The following CLVS1 variants were observed in gnomAD, a reference collection of about 807,000 sequenced individuals.
CLVS1 encodes the protein clavesin 1, also known as clavesin-1.
Under a neutral mutation model 33.1 loss-of-function variants are expected in CLVS1, and 10 were observed. The ratio of observed to expected loss-of-function variants is 0.30; its 90% CI spans 0.19 to 0.51. CLVS1 has a LOEUF of 0.51. CLVS1 is among the 20% of genes least tolerant of loss of function. The pLI is 0.97. For synonymous variants in CLVS1, 163 were observed against 166.1 expected (o/e 0.98, Z 0.14); for missense variants, 343 against 433.4 (o/e 0.79, Z 1.85).
At position 61,299,811 on chromosome 8, in the gene CLVS1, A is replaced by G; in HGVS notation, c.-17A>G. On this transcript the variant is annotated 5_prime_UTR_variant, in exon 2 of 6. Transcript: ENST00000325897. ...ACACTGTTGAATGGGCCACAGTTTC[A>G]GCAGACCATCAGGTGAATGGGACCA... The G allele has an allele frequency of 6.3e-7, 1 of 1,581,488 alleles. No homozygotes were observed. Among genetic ancestry groups the G allele is most frequent in the South Asian group, 1.1e-5 (1 of 87,260 alleles).
intron 2 of CLVS1, among the ~76,000 whole-genome samples, chr8:61,352,461 G>T (rs905000047): frequency 3.2e-4 from 49 of 152,008 alleles, no homozygotes; most frequent in Non-Finnish European, 1.8e-4. Context: ...CCAAATGCCA[G>T]TAGTCTAAGA....
At chr8:61,375,229 A>G (rs982510065) in intron 2 of CLVS1, among the ~76,000 whole-genome samples, 7 of 149,600 alleles carry the variant, frequency 4.7e-5, no homozygotes, top group Non-Finnish European at 8.9e-5. Flanking sequence ...GGCATTTAGT[A>G]TATTCTTAGT....
rs1355579763 is a variant in CLVS1 at position 61,183,641 on chromosome 8, C to G, written c.-152+51781C>G. ...TCCCACAGAGAAGCCACACTAATAG[C>G]CCCCAAGGAAGAAGCCTCAGGCAGA... On this transcript the variant is annotated intron_variant, in intron 2 of 2. Transcript: ENST00000522621. Among the ~76,000 whole-genome samples the G allele has an allele frequency of 3.3e-5, 5 of 152,050 alleles. No individual in the cohort carries two copies. The East Asian group carries it at 7.7e-4, about 23-fold the overall frequency.
At chr8:61,373,347 G>A (rs1242548469) in intron 2 of CLVS1, among the ~76,000 whole-genome samples, 21 of 152,162 alleles carry the variant, frequency 1.4e-4, no homozygotes, top group African/African-American at 4.8e-4. Context: ...CAAACATTTG[G>A]AAACTGTAAT....
intron 2 of CLVS1, among the ~76,000 whole-genome samples, chr8:61,251,298 C>A (rs554344336): frequency 6.6e-6 from 1 of 151,992 alleles, no homozygotes; most frequent in Non-Finnish European, 1.5e-5. Context: ...TTTGATGTAC[C>A]GCTGGATTTG....
upstream of CLVS1, among the ~76,000 whole-genome samples, chr8:61,287,233 C>T (rs1660474158): frequency 6.6e-6 from 1 of 152,146 alleles, no homozygotes; most frequent in Non-Finnish European, 1.5e-5. Context: ...TATTAAACTG[C>T]ATATTTTCAT....
At chr8:61,389,033 C>T (rs367869273) in intron 3 of CLVS1, among the ~76,000 whole-genome samples, 32 of 152,188 alleles carry the variant, frequency 2.1e-4, no homozygotes, top group Non-Finnish European at 3.8e-4. Flanking sequence ...TGAGAACATG[C>T]GGTGTTTTAT....
intron 2 of CLVS1, among the ~76,000 whole-genome samples, chr8:61,221,799 G>A (rs1354238075): frequency 6.6e-6 from 1 of 152,188 alleles, no homozygotes; most frequent in Non-Finnish European, 1.5e-5. Flanking sequence ...ATTCAGCTGT[G>A]AATCCATCTA....
At chr8:61,227,823 G>C (rs547589705) in intron 2 of CLVS1, among the ~76,000 whole-genome samples, 3 of 152,270 alleles carry the variant, frequency 2.0e-5, no homozygotes, top group Non-Finnish European at 2.9e-5. Context: ...GGGTTTTCCT[G>C]GGCACAGGAC....
intron 2 of CLVS1, among the ~76,000 whole-genome samples, chr8:61,256,673 T>C (rs542814535): frequency 2.0e-4 from 31 of 152,230 alleles, no homozygotes; most frequent in African/African-American, 7.5e-4. Flanking sequence ...TTTTAAAAAC[T>C]AACCTACTCT....
At chr8:61,358,019 T>C (rs77073640) in intron 2 of CLVS1, among the ~76,000 whole-genome samples, 1,873 of 152,340 alleles carry the variant, frequency 0.012, 39 homozygotes, top group African/African-American at 0.043. Context: ...GTTTTTCTTA[T>C]GTATAAAGAT....
intron 2 of CLVS1, among the ~76,000 whole-genome samples, chr8:61,246,166 A>ATTTTTTTT (rs1808803030): frequency 3.6e-5 from 3 of 82,422 alleles, no homozygotes; most frequent in Admixed American, 1.4e-4. Flanking sequence ...TTCCTTCCCA[A>ATTTTTTTT]CTTTTTTTTT....
intron 1 of CLVS1, among the ~76,000 whole-genome samples, chr8:61,118,371 C>G (rs1805784534): frequency 6.6e-6 from 1 of 151,298 alleles, no homozygotes; most frequent in Non-Finnish European, 1.5e-5. Flanking sequence ...TCTCTATTTC[C>G]TTCAGTTCTG....
intron 1 of CLVS1, among the ~76,000 whole-genome samples, chr8:61,298,614 T>A (rs1164653221): frequency 6.6e-6 from 1 of 152,176 alleles, no homozygotes; most frequent in Non-Finnish European, 1.5e-5. Flanking sequence ...ATATTCTGCC[T>A]CTTACTGCAG....
chr8:61,250,433 A>C (rs1585721866), intron 2 of CLVS1, among the ~76,000 whole-genome samples: 1 of 152,160 alleles, frequency 6.6e-6, no homozygotes, highest in South Asian at 2.1e-4. Context: ...AGTTTAAAGT[A>C]GTTTTTTCCA....
chr8:61,286,120 CTG>C (rs1809774972), upstream of CLVS1, among the ~76,000 whole-genome samples: 1 of 151,964 alleles, frequency 6.6e-6, no homozygotes, highest in African/African-American at 2.4e-5. Flanking sequence ...CTTCCCATAA[CTG>C]TGGCTTCTTC....
intron 5 of CLVS1, among the ~76,000 whole-genome samples, chr8:61,493,081 A>G (rs945882923): frequency 1.3e-5 from 2 of 152,244 alleles, no homozygotes; most frequent in Non-Finnish European, 2.9e-5. Context: ...AAGCAGATGG[A>G]AATTTCTGTG....
intron 4 of CLVS1, 50 bp from the exon 5 acceptor site, chr8:61,458,257 T>G: frequency 7.5e-7 from 1 of 1,326,986 alleles, no homozygotes; most frequent in Non-Finnish European, 1.1e-6. Flanking sequence ...AAATCTTTGG[T>G]CGTATGTTTT....
intron 1 of CLVS1, among the ~76,000 whole-genome samples, chr8:61,061,246 C>A (rs1265413420): frequency 2.0e-5 from 3 of 152,124 alleles, no homozygotes; most frequent in African/African-American, 7.2e-5. Context: ...TTATTGGATT[C>A]TTCCAATGCC....
Sources: gnomAD v4.1 joint callset for allele counts (sites outside exome capture counted in the v4.1 genomes callset) on GRCh38, gnomAD v4.1.1 for gene constraint, MANE v1.5 for transcripts, NCBI Gene and HGNC (gene_info 2026-07-23, HGNC 2026-07-21) for gene names.